The following PCDHA1 variants were observed in gnomAD, a reference collection of about 807,000 sequenced individuals.
PCDHA1 encodes protocadherin alpha 1.
Under a neutral mutation model 61.3 loss-of-function variants are expected in PCDHA1, and 42 were observed. The observed-to-expected ratio is 0.69, with a 90% CI of 0.54 to 0.89. PCDHA1 has a LOEUF of 0.89. PCDHA1 is among the 40% of genes least tolerant of loss of function. The probability of loss-of-function intolerance (pLI) is 0.00; values close to 1 mark genes in which losing one functional copy is unlikely to be tolerated. For synonymous variants in PCDHA1, 610 were observed against 553.8 expected, an observed-to-expected ratio of 1.10 and a Z score of -1.43; for missense variants, 1,256 against 1,235.3, an observed-to-expected ratio of 1.02 and a Z score of -0.25.
chr5:140,983,966 C>A (rs782428444), intron 3 of PCDHA1, among the ~76,000 whole-genome samples: 1 of 152,048 alleles, frequency 6.6e-6, no homozygotes, highest in Non-Finnish European at 1.5e-5. Flanking sequence ...CACATTTGTC[C>A]AAAAAATATA....
At chr5:141,003,502 G>C (rs1384211644) in intron 3 of PCDHA1, among the ~76,000 whole-genome samples, 3 of 151,992 alleles carry the variant, frequency 2.0e-5, no homozygotes, top group African/African-American at 2.4e-5. Context: ...TAGTAGAGAT[G>C]GGGTTTCACC....
intron 1 of PCDHA1, chr5:140,859,596 AT>A (rs1554152518): frequency 6.1e-6 from 1 of 164,060 alleles, no homozygotes; most frequent in Non-Finnish European, 1.3e-5. Flanking sequence ...GCTCTTAGCA[AT>A]TACTTTTTTC....
intron 1 of PCDHA1, among the ~76,000 whole-genome samples, chr5:140,954,686 G>T (rs962904413): frequency 6.6e-6 from 1 of 152,024 alleles, no homozygotes; most frequent in African/African-American, 2.4e-5. Context: ...TTGTCAGATG[G>T]ATAGACTACA....
intron 1 of PCDHA1, chr5:140,875,216 A>G: frequency 1.4e-6 from 1 of 717,612 alleles, no homozygotes. Flanking sequence ...ACCGAAAAGA[A>G]CCTCAGGATC....
At chr5:140,928,790 GGGT>G in intron 1 of PCDHA1, 1 of 1,614,176 alleles carries the variant, frequency 6.2e-7, no homozygotes. Flanking sequence ...GTTAAGCAGA[GGGT>G]GGTGGTAGTG....
At chr5:140,829,959 G>T (rs1206602805) in intron 1 of PCDHA1, 2 of 1,613,960 alleles carry the variant, frequency 1.2e-6, no homozygotes, top group Non-Finnish European at 1.7e-6. Flanking sequence ...TTCCCGTTTC[G>T]CGTGGGGCTG....
At chr5:140,835,996 G>A (rs782367355) in intron 1 of PCDHA1, 2 of 1,613,272 alleles carry the variant, frequency 1.2e-6, no homozygotes, top group South Asian at 1.1e-5. Flanking sequence ...GTGAGCGCGC[G>A]CGATGCGGGC....
At chr5:140,855,140 G>C (rs2043352790) in intron 1 of PCDHA1, among the ~76,000 whole-genome samples, 1 of 149,686 alleles carries the variant, frequency 6.7e-6, no homozygotes. Context: ...TTTGCCTGAT[G>C]AGCCAAATTT....
At chr5:140,912,292 C>A (rs527420621) in intron 1 of PCDHA1, among the ~76,000 whole-genome samples, 13 of 152,184 alleles carry the variant, frequency 8.5e-5, no homozygotes, top group Non-Finnish European at 1.8e-4. Context: ...CAATACTTTG[C>A]CTCCTGTAAT....
intron 1 of PCDHA1, chr5:140,822,745 A>T: frequency 6.2e-7 from 1 of 1,613,762 alleles, no homozygotes; most frequent in African/African-American, 1.3e-5. Context: ...TGCCATGGAT[A>T]AAAGTACATT....
At chr5:140,836,493 A>G in intron 1 of PCDHA1, 1 of 1,613,850 alleles carries the variant, frequency 6.2e-7, no homozygotes, top group Non-Finnish European at 8.5e-7. Flanking sequence ...GATCATCGCC[A>G]TCTGCGCGGT....
In PCDHA1 at chr5:140,876,964, C is replaced by T. The variant is rs781890307; in HGVS notation, c.2394+88280C>T. ...GGTGTCCTACTCGCTGGTGGAGCGG[C>T]GGGTGGGCGAGCACGCACTGTCGAG... On this transcript the variant is annotated intron_variant, in intron 1 of 3. Coordinates refer to ENST00000504120, the MANE Select transcript of PCDHA1 (RefSeq NM_018900.4). 2.5e-6 allele frequency: 4 copies of T among 1,613,060 alleles called. No individual in the cohort carries two copies. The highest frequency in any genetic ancestry group is 3.4e-6 in the Non-Finnish European group (4 of 1,179,806).
intron 1 of PCDHA1, chr5:140,807,118 G>C: frequency 6.5e-7 from 1 of 1,530,056 alleles, no homozygotes; most frequent in Non-Finnish European, 8.9e-7. Context: ...GCACTTGACT[G>C]ACCGATTAAA....
intron 1 of PCDHA1, among the ~76,000 whole-genome samples, chr5:140,932,462 A>G (rs549858141): frequency 6.6e-6 from 1 of 152,022 alleles, no homozygotes; most frequent in African/African-American, 2.4e-5. Flanking sequence ...GCCAGGGTAT[A>G]TAGGAAATAG....
chr5:140,829,191 C>T (rs2150163632), intron 1 of PCDHA1: 2 of 1,614,228 alleles, frequency 1.2e-6, no homozygotes, highest in South Asian at 1.1e-5. Context: ...CAATTTGGTA[C>T]TGTCATCGCC....
chr5:140,848,618 C>T lies in PCDHA1; in HGVS notation c.2394+59934C>T, dbSNP rs138258410. ...ACTCCGTCCCGGAGGAAGCCGAACA[C>T]GGCACCTTCGTGGGCCGCATCGCGC... is the stretch of plus-strand genomic sequence containing the variant. On this transcript the variant is annotated intron_variant, in intron 1 of 3. Transcript: ENST00000504120. The T allele has an allele frequency of 2.5e-3, 4,005 of 1,588,154 alleles. 452 individuals carry two copies. Among genetic ancestry groups the T allele is most frequent in the Middle Eastern group, 9.3e-3 (53 of 5,704 alleles).
At chr5:140,972,101 A>C (rs114554334) in intron 1 of PCDHA1, among the ~76,000 whole-genome samples, 3,080 of 152,290 alleles carry the variant, frequency 0.02, 42 homozygotes, top group Middle Eastern at 0.075. Flanking sequence ...CTGGCATAGA[A>C]GCAGGTAACA....
At chr5:140,992,152 A>G (rs1440263664) in intron 3 of PCDHA1, among the ~76,000 whole-genome samples, 2 of 152,004 alleles carry the variant, frequency 1.3e-5, no homozygotes, top group Non-Finnish European at 2.9e-5. Context: ...ACTTTGCTCA[A>G]TCAAGAAGTG....
At chr5:140,975,795 CT>C (rs1219508800) in intron 1 of PCDHA1, among the ~76,000 whole-genome samples, 2 of 151,168 alleles carry the variant, frequency 1.3e-5, no homozygotes, top group Non-Finnish European at 1.5e-5. Flanking sequence ...TAAATTAAAT[CT>C]TTTTTATAAT....
Sources: allele counts gnomAD v4.1 joint callset (sites outside exome capture counted in the v4.1 genomes callset), GRCh38; gene constraint gnomAD v4.1.1; transcripts MANE v1.5; gene names NCBI Gene and HGNC (gene_info 2026-07-23, HGNC 2026-07-21).